SNTG2: variants seen among roughly 807,000 people sequenced by gnomAD.
The protein encoded by SNTG2 is gamma-2-syntrophin.
Under a neutral mutation model 70.9 loss-of-function variants are expected in SNTG2, and 74 were observed. The ratio of observed to expected loss-of-function variants is 1.04; its 90% CI spans 0.86 to 1.27. The LOEUF is 1.27. Ranked by LOEUF, SNTG2 falls within the 50% of genes most tolerant of loss-of-function variation. SNTG2 has a pLI of 0.00. For synonymous variants in SNTG2, 278 were observed against 273.8 expected (o/e 1.02, Z -0.15); for missense variants, 717 against 690.7 (o/e 1.04, Z -0.43).
intron 1 of SNTG2, among the ~76,000 whole-genome samples, chr2:972,575 A>G (rs1660778040): frequency 6.6e-6 from 1 of 152,078 alleles, no homozygotes. Context: ...CCCCACCCAA[A>G]TCTCATGTCG....
intron 12 of SNTG2, among the ~76,000 whole-genome samples, chr2:1,254,111 G>T (rs972052062): frequency 1.1e-4 from 16 of 152,304 alleles, no homozygotes; most frequent in African/African-American, 2.6e-4. Flanking sequence ...GATTTGGGCG[G>T]AGTCACAGAC....
intron 1 of SNTG2, among the ~76,000 whole-genome samples, chr2:956,974 G>C (rs761884344): frequency 1.3e-5 from 2 of 152,166 alleles, no homozygotes; most frequent in Admixed American, 6.5e-5. Context: ...TTTCTCAGCT[G>C]TATCCTGCTC....
chr2:988,046 T>G (rs1013265544), intron 1 of SNTG2, among the ~76,000 whole-genome samples: 4 of 152,174 alleles, frequency 2.6e-5, no homozygotes, highest in Admixed American at 2.6e-4. Context: ...CCTCATCACC[T>G]CATGGGGAGC....
intron 6 of SNTG2, among the ~76,000 whole-genome samples, chr2:1,148,296 TG>T (rs1208569621): frequency 1.3e-5 from 2 of 152,196 alleles, no homozygotes; most frequent in Non-Finnish European, 2.9e-5. Flanking sequence ...AGAGAGGGCC[TG>T]GCCCACTCCT....
chr2:1,203,801 GA>G (rs978911255), intron 8 of SNTG2, among the ~76,000 whole-genome samples: 3 of 151,098 alleles, frequency 2.0e-5, no homozygotes, highest in Admixed American at 6.6e-5. Flanking sequence ...TTAACAAATC[GA>G]AAGAAGGATC....
intron 1 of SNTG2, among the ~76,000 whole-genome samples, chr2:1,072,895 G>GTA (rs1663670751): frequency 6.6e-6 from 1 of 152,168 alleles, no homozygotes; most frequent in Non-Finnish European, 1.5e-5. Context: ...TGACTATGAG[G>GTA]GATTTAAGAC....
intron 7 of SNTG2, among the ~76,000 whole-genome samples, chr2:1,166,146 G>T (rs796946361): frequency 3.0e-4 from 46 of 152,304 alleles, no homozygotes; most frequent in African/African-American, 1.0e-3. Flanking sequence ...GAAGATAGTT[G>T]TTGTAACTTT....
In SNTG2 at chr2:1,132,780, G is replaced by C. The variant is rs189154220; in HGVS notation, c.326-4842G>C. On this transcript the variant is annotated intron_variant, in intron 4 of 16. Transcript: ENST00000308624. Reference sequence around the variant, plus strand: ...ATGATACGATCCATTAACCAGACTAGAGGAAACGCCCACTCACCCTCCCTC... The same window carrying C: ...ATGATACGATCCATTAACCAGACTACAGGAAACGCCCACTCACCCTCCCTC... 1.6e-3 allele frequency among the ~76,000 whole-genome samples: 239 copies of C among 152,264 alleles called. 1 individual carries two copies. The highest frequency in any genetic ancestry group is 5.6e-3 in the African/African-American group (232 of 41,538).
chr2:1,234,546 G>A (rs528763078), intron 9 of SNTG2, among the ~76,000 whole-genome samples: 56 of 152,278 alleles, frequency 3.7e-4, no homozygotes, highest in African/African-American at 1.2e-3. Flanking sequence ...CCCATCGTAC[G>A]GACAAGGAAA....
At chr2:1,232,306 C>CT (rs551651645) in intron 9 of SNTG2, among the ~76,000 whole-genome samples, 25 of 150,074 alleles carry the variant, frequency 1.7e-4, no homozygotes, top group African/African-American at 3.9e-4. Flanking sequence ...GTAAAAATGA[C>CT]TTTTTTTTTT....
intron 1 of SNTG2, among the ~76,000 whole-genome samples, chr2:992,650 C>G (rs1253391544): frequency 1.3e-5 from 2 of 152,146 alleles, no homozygotes; most frequent in Non-Finnish European, 2.9e-5. Context: ...GGAATTTGCT[C>G]CCCTTCCACA....
At chr2:1,089,424 T>TA (rs1664876819) in intron 2 of SNTG2, among the ~76,000 whole-genome samples, 1 of 152,044 alleles carries the variant, frequency 6.6e-6, no homozygotes, top group African/African-American at 2.4e-5. Context: ...ATCACAAGGT[T>TA]AGGAGTTTGA....
intron 16 of SNTG2, among the ~76,000 whole-genome samples, chr2:1,324,698 G>A (rs1256562199): frequency 2.0e-5 from 3 of 152,132 alleles, no homozygotes; most frequent in Non-Finnish European, 4.4e-5. Flanking sequence ...ATCATAGTAG[G>A]CCCAATTTAT....
At chr2:1,050,183 A>G (rs889084805) in intron 1 of SNTG2, among the ~76,000 whole-genome samples, 1 of 152,120 alleles carries the variant, frequency 6.6e-6, no homozygotes, top group African/African-American at 2.4e-5. Context: ...CACTGAACAG[A>G]ATTTTTTTCC....
intron 15 of SNTG2, 26 bp from the exon 16 acceptor site, chr2:1,316,239 C>A: frequency 8.7e-7 from 1 of 1,146,978 alleles, no homozygotes; most frequent in Non-Finnish European, 1.3e-6. Flanking sequence ...GTTTAGAAAT[C>A]GCTAATTAAT....
At chr2:1,208,994 T>C (rs982221456) in intron 8 of SNTG2, 109 bp from the exon 9 acceptor site, 2 of 1,347,996 alleles carry the variant, frequency 1.5e-6, no homozygotes, top group Non-Finnish European at 1.0e-6. Flanking sequence ...TTTTTATCAG[T>C]TGAAATGTGT....
chr2:1,329,295 T>A (rs1659372538), intron 16 of SNTG2, among the ~76,000 whole-genome samples: 1 of 152,224 alleles, frequency 6.6e-6, no homozygotes, highest in South Asian at 2.1e-4. Flanking sequence ...TATCGCATTC[T>A]AAATATAAAC....
intron 1 of SNTG2, among the ~76,000 whole-genome samples, chr2:1,044,417 T>C (rs923075710): frequency 1.3e-5 from 2 of 152,162 alleles, no homozygotes; most frequent in African/African-American, 4.8e-5. Context: ...GGCTAGGACT[T>C]CTAGTACTAT....
At chr2:1,105,866 C>A (rs1406762026) in intron 4 of SNTG2, among the ~76,000 whole-genome samples, 2 of 152,234 alleles carry the variant, frequency 1.3e-5, no homozygotes, top group Admixed American at 1.3e-4. Context: ...TCTCCACCCT[C>A]ACCTGGAAGA....
Sources: gnomAD v4.1 joint callset for allele counts (sites outside exome capture counted in the v4.1 genomes callset) on GRCh38, gnomAD v4.1.1 for gene constraint, MANE v1.5 for transcripts, NCBI Gene and HGNC (gene_info 2026-07-23, HGNC 2026-07-21) for gene names.